The following ARIH1 variants were observed in gnomAD, a reference collection of about 807,000 sequenced individuals.
ARIH1 encodes E3 ubiquitin-protein ligase ARIH1.
In ARIH1, 8 loss-of-function variants were observed where a neutral mutation model predicts 85.0. The ratio of observed to expected loss-of-function variants is 0.09; its 90% confidence interval spans 0.06 to 0.17. The LOEUF (loss-of-function observed/expected upper bound fraction) is 0.17. ARIH1 is among the 10% of genes least tolerant of loss of function. The pLI is 1.00. For missense variants in ARIH1, 311 were observed against 718.1 expected (o/e 0.43, Z 6.48); for synonymous variants, 238 against 253.6 (o/e 0.94, Z 0.59).
At chr15:72,485,342 G>T (rs907870262) in intron 1 of ARIH1, among the ~76,000 whole-genome samples, 1 of 152,132 alleles carries the variant, frequency 6.6e-6, no homozygotes, top group African/African-American at 2.4e-5. Flanking sequence ...GGGTCTCTGG[G>T]GGGTTTGGAC....
At chr15:72,498,582 C>A (rs879590351) in intron 1 of ARIH1, among the ~76,000 whole-genome samples, 2 of 152,158 alleles carry the variant, frequency 1.3e-5, no homozygotes, top group East Asian at 1.9e-4. Context: ...TGGTGGCTCA[C>A]GCCTGTGATC....
intron 11 of ARIH1, among the ~76,000 whole-genome samples, chr15:72,577,502 A>G (rs769790330): frequency 2.6e-5 from 4 of 151,626 alleles, no homozygotes; most frequent in African/African-American, 7.3e-5. Flanking sequence ...GTGAAACCCT[A>G]TCTCTACTAA....
At chr15:72,545,099 G>A (rs911349831) in intron 3 of ARIH1, 135 bp downstream of exon 3, 30 of 744,546 alleles carry the variant, frequency 4.0e-5, no homozygotes, top group Middle Eastern at 4.4e-4. Flanking sequence ...AATGTATTCA[G>A]TGTGAGGAAA....
At chr15:72,546,936 G>GC (rs1045321854) in intron 3 of ARIH1, among the ~76,000 whole-genome samples, 3 of 52,264 alleles carry the variant, frequency 5.7e-5, no homozygotes, top group African/African-American at 1.0e-4. Context: ...TTTTTTGGAG[G>GC]GGGGGGGGTG....
chr15:72,474,367 A>G lies in ARIH1; in HGVS notation c.-273A>G, dbSNP rs940365871. ...AGCGGCCGTGGAGGTGGCGTTGGGGACTGTTTTCTCTCGGAGGCCGGAGCG... is the reference window on the plus strand; with the variant it reads ...AGCGGCCGTGGAGGTGGCGTTGGGGGCTGTTTTCTCTCGGAGGCCGGAGCG... On this transcript the variant is annotated 5_prime_UTR_variant, in exon 1 of 14. Coordinates refer to ENST00000379887, the MANE Select transcript of ARIH1 (RefSeq NM_005744.5). 6.7e-6 allele frequency: 3 copies of G among 450,270 alleles called. No homozygotes were observed. Among genetic ancestry groups the G allele is most frequent in the South Asian group, 2.5e-5 (1 of 40,650 alleles). 27.9% of individuals were successfully genotyped at this position (450,270 alleles called of 1,614,324 possible). A position where few individuals can be genotyped will look rare whatever the true frequency, so the allele number is the denominator to read the frequency against.
Position 72,594,331 on chromosome 15 carries a change from G to T in ARIH1, c.*11039G>T, listed in dbSNP as rs1213023846. 1.3e-5 allele frequency: 2 copies of T among 151,832 alleles called. No individual in the cohort carries two copies. The highest frequency in any genetic ancestry group is 4.8e-5 in the African/African-American group (2 of 41,336). The allele number at this position is 151,832 out of a possible 1,614,324, so 9.4% of individuals were successfully genotyped here. A position where few individuals can be genotyped will look rare whatever the true frequency, so the allele number is the denominator to read the frequency against. On this transcript the variant is annotated 3_prime_UTR_variant, in exon 14 of 14. Coordinates refer to ENST00000379887, the MANE Select transcript of ARIH1 (RefSeq NM_005744.5). The stretch of plus-strand genomic sequence containing the variant: ...ATTATAGGCACACACCATCATGCCT[G>T]GCTAATTTTTGTATTTTTAGTACAG...
Position 72,570,284 on chromosome 15 carries a change from A to G in ARIH1, c.1134A>G (p.Pro378=). The G allele has an allele frequency of 6.2e-7, 1 of 1,614,020 alleles. No individual in the cohort carries two copies. Among genetic ancestry groups the G allele is most frequent in the Non-Finnish European group, 8.5e-7 (1 of 1,179,916 alleles). ...AGTTTTGCTGGGTGTGTCTTGGCCC[A>G]TGGGAACCACATGGATCTGCCTGGT... ...KAEFCWVCLG[P]WEPHGSAWYN... is the part of the protein sequence containing the mutation. The change falls in exon 10 of 14, where the codon CCA becomes CCG. Residue 378 remains proline, a synonymous_variant. Transcript: ENST00000379887.
intron 2 of ARIH1, among the ~76,000 whole-genome samples, chr15:72,528,024 G>C (rs1251858586): frequency 3.9e-5 from 6 of 151,936 alleles, no homozygotes; most frequent in Non-Finnish European, 8.8e-5. Context: ...CATTTTGGGA[G>C]CTTTTAGAAA....
intron 1 of ARIH1, 98 bp downstream of exon 1, chr15:72,475,112 A>G (rs2063789155): frequency 1.4e-6 from 2 of 1,480,578 alleles, no homozygotes; most frequent in Non-Finnish European, 1.8e-6. Flanking sequence ...CCTGGTGCGC[A>G]GCCTAGCCCG....
At position 72,592,295 on chromosome 15, in the gene ARIH1, T is replaced by C. The variant is rs1210839935; in HGVS notation, c.*9003T>C. On this transcript the variant is annotated 3_prime_UTR_variant, in exon 14 of 14. Transcript: ENST00000379887. ...GTGCTCTTTAAGATAAATTCCATAA[T>C]CAAGGGCCTGGCCCTGAATAGATTG... is the stretch of plus-strand genomic sequence containing the variant. The C allele has an allele frequency of 6.6e-6, 1 of 152,160 alleles. No individual in the cohort carries two copies. The highest frequency in any genetic ancestry group is 1.5e-5 in the Non-Finnish European group (1 of 68,020). 9.4% of individuals were successfully genotyped at this position (152,160 alleles called of 1,614,324 possible).
chr15:72,503,224 C>G (rs2063910920), intron 1 of ARIH1, among the ~76,000 whole-genome samples: 1 of 152,148 alleles, frequency 6.6e-6, no homozygotes, highest in African/African-American at 2.4e-5. Flanking sequence ...TTTTTGTGGT[C>G]TGGGTCATGA....
At chr15:72,545,575 C>A (rs1394890643) in intron 3 of ARIH1, among the ~76,000 whole-genome samples, 1 of 152,212 alleles carries the variant, frequency 6.6e-6, no homozygotes, top group African/African-American at 2.4e-5. Flanking sequence ...GCCTATAATC[C>A]CAGCACTTGG....
At chr15:72,577,335 TA>T (rs1206429029) in intron 11 of ARIH1, among the ~76,000 whole-genome samples, 4 of 152,070 alleles carry the variant, frequency 2.6e-5, no homozygotes. Flanking sequence ...AAAGTTATTT[TA>T]AAAAATTGTG....
In ARIH1 at chr15:72,601,501, C is replaced by G. The variant is rs564864479; in HGVS notation, c.*18209C>G. On this transcript the variant is annotated 3_prime_UTR_variant, in exon 14 of 14. Coordinates refer to ENST00000379887, the MANE Select transcript of ARIH1 (RefSeq NM_005744.5). ...TTCTTCCATCCTCAGGGCCTTTGCACAAGTTCTTCCTTTGCCTTAGAATTC... is the reference window on the plus strand; with the variant it reads ...TTCTTCCATCCTCAGGGCCTTTGCAGAAGTTCTTCCTTTGCCTTAGAATTC... 1 of 152,230 alleles carries G rather than the reference C, an allele frequency of 6.6e-6. No individual in the cohort carries two copies. The highest frequency in any genetic ancestry group is 1.5e-5 in the Non-Finnish European group (1 of 68,066). The allele number at this position is 152,230 out of a possible 1,614,324, so 9.4% of individuals were successfully genotyped here.
At chr15:72,476,905 G>A (rs1054557379) in intron 1 of ARIH1, among the ~76,000 whole-genome samples, 3 of 152,052 alleles carry the variant, frequency 2.0e-5, no homozygotes, top group African/African-American at 2.4e-5. Context: ...TAAATTTTTC[G>A]AGAACTTATA....
chr15:72,505,843 C>G (rs781361256), intron 1 of ARIH1, among the ~76,000 whole-genome samples: 1 of 152,096 alleles, frequency 6.6e-6, no homozygotes, highest in Non-Finnish European at 1.5e-5. Context: ...TCAAGCAGTT[C>G]TCCTTCTTCA....
chr15:72,573,741 C>T (rs2064258374), intron 11 of ARIH1, among the ~76,000 whole-genome samples: 1 of 151,760 alleles, frequency 6.6e-6, no homozygotes, highest in Non-Finnish European at 1.5e-5. Context: ...GCTATAAATT[C>T]TTGTGCTCTT....
rs2064384623 is a variant in ARIH1 at position 72,602,262 on chromosome 15, G to GT, written c.*18970_*18971insT. 3 of 152,228 alleles carry GT rather than the reference G, an allele frequency of 2.0e-5. No homozygotes were observed. 9.4% of individuals were successfully genotyped at this position (152,228 alleles called of 1,614,324 possible). A position where few individuals can be genotyped will look rare whatever the true frequency, so the allele number is the denominator to read the frequency against. On this transcript the variant is annotated 3_prime_UTR_variant, in exon 14 of 14. Transcript: ENST00000379887. ...AGTTATTGCCAAACTGCTCTCAATG[G>GT]AAGTTTTATGAATTCCCACTAGTGA...
In ARIH1 at chr15:72,595,761, G is replaced by T. The variant is rs1313484357; in HGVS notation, c.*12469G>T. 1.2e-4 allele frequency: 18 copies of T among 151,372 alleles called. No homozygotes were observed. The highest frequency in any genetic ancestry group is 1.2e-3 in the Admixed American group (18 of 15,202). 9.4% of individuals were successfully genotyped at this position (151,372 alleles called of 1,614,324 possible). ...CACTCCCGAAGTGTTGGCATTACAG[G>T]CATGAGACACAGTGCCCAGCCTATT... On this transcript the variant is annotated 3_prime_UTR_variant, in exon 14 of 14. Transcript: ENST00000379887.
Sources: allele counts gnomAD v4.1 joint callset (sites outside exome capture counted in the v4.1 genomes callset), GRCh38; gene constraint gnomAD v4.1.1; transcripts MANE v1.5; gene names NCBI Gene and HGNC (gene_info 2026-07-23, HGNC 2026-07-21).